Variants in RFWD3 observed in about 807,000 individuals in gnomAD.
The protein encoded by RFWD3 is E3 ubiquitin-protein ligase RFWD3.
RFWD3 carries 65 observed loss-of-function variants against 87.7 expected under a neutral mutation model. The observed-to-expected ratio is 0.74, with a 90% CI of 0.61 to 0.91. RFWD3 has a LOEUF of 0.91. Among genes scored for constraint, RFWD3 ranks in the 40% least tolerant of loss-of-function variants. RFWD3 has a pLI of 0.00. For missense variants in RFWD3, 1,078 were observed against 938.5 expected, an observed-to-expected ratio of 1.15 and a Z score of -1.94; for synonymous variants, 433 against 352.8, an observed-to-expected ratio of 1.23 and a Z score of -2.55.
At chr16:74,637,811 C>T (rs1393528413) in intron 7 of RFWD3, 45 bp downstream of exon 7, 4 of 1,389,374 alleles carry the variant, frequency 2.9e-6, no homozygotes, top group Admixed American at 3.5e-5. Context: ...CTTCCTCTTC[C>T]ATTCCTATTC....
At chr16:74,664,155 T>G (rs1961688621) in intron 1 of RFWD3, among the ~76,000 whole-genome samples, 1 of 152,164 alleles carries the variant, frequency 6.6e-6, no homozygotes, top group African/African-American at 2.4e-5. Context: ...TTTCCCACGT[T>G]GCCTAGGCTG....
chr16:74,655,490 G>A (rs1221116079), intron 2 of RFWD3, among the ~76,000 whole-genome samples: 13 of 149,192 alleles, frequency 8.7e-5, no homozygotes, highest in African/African-American at 3.0e-4. Flanking sequence ...CTCGTGATTC[G>A]CCCGCCTCGG....
intron 4 of RFWD3, among the ~76,000 whole-genome samples, chr16:74,648,596 C>T (rs1241356311): frequency 2.6e-5 from 4 of 151,000 alleles, no homozygotes; most frequent in South Asian, 2.1e-4. Flanking sequence ...TATGGTGAAA[C>T]CCCGTCTCTA....
At chr16:74,636,036 A>C (rs966359891) in intron 8 of RFWD3, among the ~76,000 whole-genome samples, 2 of 152,212 alleles carry the variant, frequency 1.3e-5, no homozygotes, top group African/African-American at 4.8e-5. Context: ...TTTCCAGTCT[A>C]AAATGCATCT....
intron 7 of RFWD3, among the ~76,000 whole-genome samples, chr16:74,636,815 G>A (rs1959207879): frequency 6.6e-6 from 1 of 151,248 alleles, no homozygotes; most frequent in African/African-American, 2.4e-5. Flanking sequence ...CTGGGTTCAA[G>A]CACTTCTGCC....
chr16:74,662,557 GA>G (rs901912363), intron 1 of RFWD3, among the ~76,000 whole-genome samples: 5 of 152,208 alleles, frequency 3.3e-5, no homozygotes, highest in African/African-American at 1.2e-4. Context: ...AATTGTGAGG[GA>G]AGTACTCTTT....
Position 74,651,969 on chromosome 16 carries a change from A to G in RFWD3, c.672T>C (p.Tyr224=). The G allele has an allele frequency of 6.2e-7, 1 of 1,614,018 alleles. No individual in the cohort carries two copies. The highest frequency in any genetic ancestry group is 2.2e-5 in the East Asian group (1 of 44,872). The change falls in exon 3 of 13, where the codon TAT becomes TAC. Residue 224 remains tyrosine, a synonymous_variant. Coordinates refer to ENST00000361070, the MANE Select transcript of RFWD3 (RefSeq NM_018124.4). ...CCTCTGCCTGGTCAACAACCCCTCC[A>G]TACTCTGCAGAGCTGTCACTGTCAG... ...SDSDSDSSAE[Y]GGVVDQAEES... is the part of the protein sequence containing the mutation.
intron 4 of RFWD3, among the ~76,000 whole-genome samples, chr16:74,647,234 A>C (rs1381846165): frequency 1.3e-5 from 2 of 152,238 alleles, no homozygotes; most frequent in Non-Finnish European, 2.9e-5. Context: ...TGACATTGGA[A>C]GAATTCACAG....
intron 1 of RFWD3, among the ~76,000 whole-genome samples, chr16:74,662,247 C>T (rs561907513): frequency 1.2e-4 from 18 of 152,230 alleles, no homozygotes; most frequent in Non-Finnish European, 2.4e-4. Context: ...CAGGACTGAG[C>T]CACTGTGCCT....
chr16:74,633,219 G>A (rs1959157849), intron 8 of RFWD3, among the ~76,000 whole-genome samples: 1 of 148,446 alleles, frequency 6.7e-6, no homozygotes, highest in East Asian at 2.0e-4. Flanking sequence ...GGAGGTTGTA[G>A]TGAGACAAGA....
At chr16:74,648,306 T>C (rs559861735) in intron 4 of RFWD3, among the ~76,000 whole-genome samples, 7 of 151,642 alleles carry the variant, frequency 4.6e-5, no homozygotes, top group Non-Finnish European at 1.0e-4. Context: ...GCCTGCAAGC[T>C]TCCCATTTTA....
At chr16:74,666,088 C>A (rs1240152999) in intron 1 of RFWD3, among the ~76,000 whole-genome samples, 1 of 150,546 alleles carries the variant, frequency 6.6e-6, no homozygotes, top group Non-Finnish European at 1.5e-5. Context: ...GAGAGGGAGA[C>A]GGGAGGGGAA....
chr16:74,626,248 T>A (rs1958928387), intron 12 of RFWD3, 95 bp downstream of exon 12: 1 of 1,059,046 alleles, frequency 9.4e-7, no homozygotes, highest in Non-Finnish European at 1.5e-6. Flanking sequence ...ACTTTTTTGC[T>A]ATATGAGCTT....
intron 2 of RFWD3, among the ~76,000 whole-genome samples, chr16:74,654,478 C>T (rs1034166130): frequency 6.6e-6 from 1 of 152,142 alleles, no homozygotes; most frequent in Non-Finnish European, 1.5e-5. Context: ...ATGTTGACTG[C>T]TCCACCCACC....
chr16:74,630,979 TTAC>T (rs779745168), intron 9 of RFWD3, 22 bp from the exon 10 acceptor site: 1 of 1,586,498 alleles, frequency 6.3e-7, no homozygotes, highest in African/African-American at 1.4e-5. Context: ...CAAAAGACTT[TTAC>T]AACTGCATTA....
At chr16:74,645,009 A>C (rs1025963489) in intron 4 of RFWD3, among the ~76,000 whole-genome samples, 1 of 152,250 alleles carries the variant, frequency 6.6e-6, no homozygotes, top group Admixed American at 6.5e-5. Flanking sequence ...CCATATAAAG[A>C]ATAGCAGCTA....
chr16:74,624,200 C>G, intron 12 of RFWD3, 129 bp from the exon 13 acceptor site: 1 of 1,099,848 alleles, frequency 9.1e-7, no homozygotes, highest in Non-Finnish European at 1.3e-6. Context: ...CAGGCTGTCC[C>G]TAACCTTTGC....
chr16:74,659,461 G>A (rs1961257507), intron 2 of RFWD3, among the ~76,000 whole-genome samples: 1 of 152,130 alleles, frequency 6.6e-6, no homozygotes, highest in Non-Finnish European at 1.5e-5. Context: ...CAAGCCTGCT[G>A]GTGCACGCCT....
intron 1 of RFWD3, chr16:74,666,492 G>T (rs1961934355): frequency 6.6e-6 from 1 of 152,182 alleles, no homozygotes; most frequent in Admixed American, 6.5e-5. Context: ...CTCCCACCCC[G>T]GCCAGGGCAG....
Sources: allele counts gnomAD v4.1 joint callset (sites outside exome capture counted in the v4.1 genomes callset), GRCh38; gene constraint gnomAD v4.1.1; transcripts MANE v1.5; gene names NCBI Gene and HGNC (gene_info 2026-07-23, HGNC 2026-07-21).